PTCD3: variants seen among roughly 807,000 people sequenced by gnomAD.
PTCD3 encodes small ribosomal subunit protein mS39.
A neutral mutation model predicts 101.9 loss-of-function variants in PTCD3; 89 were observed. The observed-to-expected ratio is 0.87, with a 90% CI of 0.74 to 1.04. The LOEUF is 1.04. PTCD3 is among the 50% of genes least tolerant of loss of function. The pLI, the probability that PTCD3 is intolerant of heterozygous loss-of-function variation, is 0.00. For missense variants in PTCD3, 870 were observed against 828.2 expected (o/e 1.05, Z -0.62); for synonymous variants, 296 against 278.5 (o/e 1.06, Z -0.63).
intron 8 of PTCD3, among the ~76,000 whole-genome samples, chr2:86,122,518 C>T (rs1395051009): frequency 1.3e-5 from 2 of 150,388 alleles, no homozygotes; most frequent in African/African-American, 4.9e-5. Flanking sequence ...CTCAAGTGTT[C>T]CTCCTTCCTC....
At chr2:86,113,128 T>G (rs1674120013) in intron 4 of PTCD3, among the ~76,000 whole-genome samples, 1 of 152,238 alleles carries the variant, frequency 6.6e-6, no homozygotes, top group Non-Finnish European at 1.5e-5. Context: ...TGCAGTGGAA[T>G]TATTAACAAA....
chr2:86,137,885 C>T lies in PTCD3; in HGVS notation c.*326C>T, dbSNP rs1032767552. 3.5e-6 allele frequency: 1 copy of T among 281,950 alleles called. No individual in the cohort carries two copies. The highest frequency in any genetic ancestry group is 4.2e-5 in the Admixed American group (1 of 23,610). 17.5% of individuals were successfully genotyped at this position (281,950 alleles called of 1,614,324 possible). A position where few individuals can be genotyped will look rare whatever the true frequency, so the allele number is the denominator to read the frequency against. On this transcript the variant is annotated 3_prime_UTR_variant, in exon 24 of 24. Transcript: ENST00000254630. ...GTGTCGGTGAGCTGACCTCACGATG[C>T]TGTCCTCGTGCGATTGCCCTCTCCT...
At chr2:86,106,452 C>T in intron 1 of PTCD3, 101 bp downstream of exon 1, 1 of 1,244,524 alleles carries the variant, frequency 8.0e-7, no homozygotes, top group African/African-American at 1.5e-5. Context: ...ATGGTTTGCT[C>T]ATGCGCGCCC....
intron 16 of PTCD3, 116 bp from the exon 17 acceptor site, chr2:86,132,202 A>G (rs1674505483): frequency 3.3e-5 from 20 of 597,128 alleles, no homozygotes; most frequent in Non-Finnish European, 4.9e-5. Flanking sequence ...CTTGCTGTCA[A>G]CCAATAATAT....
At chr2:86,121,812 C>T (rs535006394) in intron 8 of PTCD3, among the ~76,000 whole-genome samples, 2 of 152,328 alleles carry the variant, frequency 1.3e-5, no homozygotes, top group East Asian at 3.9e-4. Context: ...ATGTTGTCCT[C>T]ACCTACTTCA....
At chr2:86,134,009 T>C (rs749275329) in intron 19 of PTCD3, among the ~76,000 whole-genome samples, 1 of 152,198 alleles carries the variant, frequency 6.6e-6, no homozygotes, top group Non-Finnish European at 1.5e-5. Flanking sequence ...TAAAAGTATA[T>C]CAAATTCCCA....
At position 86,130,486 on chromosome 2, in the gene PTCD3, G is replaced by C. The variant is rs369772221; in HGVS notation, c.1148-162G>C. ...TTTTACAGAGAATTGCTCTCTGCAG[G>C]GTATAGTGGTTCCTTTAGCAAGCAT... On this transcript the variant is annotated intron_variant, in intron 14 of 23. Transcript: ENST00000254630. Among the ~76,000 whole-genome samples, 24 of 152,260 alleles carry C rather than the reference G, an allele frequency of 1.6e-4. No individual in the cohort carries two copies. In the East Asian group the frequency reaches 2.5e-3, roughly 16 times the overall value.
intron 8 of PTCD3, among the ~76,000 whole-genome samples, chr2:86,122,026 C>T (rs1674293092): frequency 6.6e-6 from 1 of 152,208 alleles, no homozygotes; most frequent in Non-Finnish European, 1.5e-5. Context: ...CATAGCCTCT[C>T]TCTCGACTCG....
intron 4 of PTCD3, among the ~76,000 whole-genome samples, chr2:86,115,813 A>G (rs1293456742): frequency 2.6e-5 from 4 of 152,180 alleles, no homozygotes; most frequent in African/African-American, 9.7e-5. Context: ...ACGTGGGAGA[A>G]GGTTCTGTTG....
At position 86,133,447 on chromosome 2, in the gene PTCD3, CT is replaced by C; in HGVS notation, c.1543+16del. ...CTAAAATTTGGAAAGGTCAGTTTTA[CT>C]TTTTATGTGTCCAGGTGCATCTCAC... On this transcript the variant is annotated intron_variant, in intron 19 of 23. Transcript: ENST00000254630. 6.3e-7 allele frequency: 1 copy of C among 1,593,092 alleles called. No homozygotes were observed. Among genetic ancestry groups the C allele is most frequent in the Non-Finnish European group, 8.6e-7 (1 of 1,161,116 alleles).
At chr2:86,111,198 G>T (rs1301097086) in intron 4 of PTCD3, 40 bp downstream of exon 4, 1 of 1,530,400 alleles carries the variant, frequency 6.5e-7, no homozygotes, top group Non-Finnish European at 9.0e-7. Context: ...CTAAAACTTG[G>T]CTAATAACAC....
intron 16 of PTCD3, 29 bp downstream of exon 16, chr2:86,131,135 A>G (rs1024437038): frequency 5.8e-6 from 9 of 1,547,656 alleles, no homozygotes; most frequent in Middle Eastern, 1.7e-4. Context: ...TTAATTTGCT[A>G]TCCATTTCCT....
chr2:86,137,029 G>GCCCT lies in PTCD3; in HGVS notation c.1869_1872dup (p.Ser625ProfsTer6). 6.2e-7 allele frequency: 1 copy of GCCCT among 1,613,822 alleles called. No individual in the cohort carries two copies. The highest frequency in any genetic ancestry group is 8.5e-7 in the Non-Finnish European group (1 of 1,179,922). On this transcript the variant is annotated frameshift_variant, in exon 23 of 24. Coordinates refer to ENST00000254630, the MANE Select transcript of PTCD3 (RefSeq NM_017952.6). LOFTEE classifies it high-confidence loss of function. ...ATGGACAGTGCAAAAGTGTCTAACA[G>GCCCT]CCCTTCCCAGGCCATTGAAGTAGTA...
At chr2:86,133,546 A>G in intron 19 of PTCD3, 110 bp downstream of exon 19, 2 of 1,066,588 alleles carry the variant, frequency 1.9e-6, no homozygotes, top group South Asian at 1.5e-5. Flanking sequence ...TTTTGACTGA[A>G]CCAAATGTGT....
Position 86,127,315 on chromosome 2 carries a change from C to T in PTCD3, c.1096+10C>T, listed in dbSNP as rs368918355. 3.2e-4 allele frequency: 509 copies of T among 1,612,008 alleles called. No homozygotes were observed. The highest frequency in any genetic ancestry group is 3.7e-4 in the Non-Finnish European group (436 of 1,178,974). ...AAAGCCATTGGAATAGGTGAGGATG[C>T]GCCCTTGAGTTCTCTGAGGACAGAG... On this transcript the variant is annotated intron_variant, in intron 13 of 23. Transcript: ENST00000254630.
At position 86,125,831 on chromosome 2, in the gene PTCD3, C is replaced by T; in HGVS notation, c.902C>T (p.Thr301Ile). 5 of 1,609,508 alleles carry T rather than the reference C, an allele frequency of 3.1e-6. No homozygotes were observed. Among genetic ancestry groups the T allele is most frequent in the Admixed American group, 1.7e-5 (1 of 59,970 alleles). ...ACATTTAATGCATTGATTGAAGCAA[C>T]AGTATGTGCGATAAATGAGAAATTT... ...VYTFNALIEA[T>I]VCAINEKFEE... is the part of the protein sequence containing the mutation. The change falls in exon 12 of 24, where the codon ACA (threonine) becomes ATA (isoleucine). Residue 301 changes from threonine to isoleucine, a missense_variant. By Grantham distance (89) the Thr-to-Ile change is moderately conservative. Transcript: ENST00000254630.
At chr2:86,109,709 A>G (rs1452997787) in intron 3 of PTCD3, among the ~76,000 whole-genome samples, 1 of 152,224 alleles carries the variant, frequency 6.6e-6, no homozygotes, top group Non-Finnish European at 1.5e-5. Flanking sequence ...GCATATATAC[A>G]TGGACAAGAC....
intron 10 of PTCD3, 84 bp downstream of exon 10, chr2:86,125,166 G>A: frequency 6.5e-7 from 1 of 1,547,498 alleles, no homozygotes; most frequent in Non-Finnish European, 8.7e-7. Flanking sequence ...TTTGGGTCAG[G>A]TAATTTGTTG....
chr2:86,106,277 G>T lies in PTCD3; in HGVS notation c.30G>T (p.Leu10=), dbSNP rs879092625. The T allele has an allele frequency of 6.2e-7, 1 of 1,613,820 alleles. No individual in the cohort carries two copies. The highest frequency in any genetic ancestry group is 1.1e-5 in the South Asian group (1 of 91,058). MAVVSAVRW[L]GLRSRLGQPL... ...CGGTTGTATCTGCTGTTCGCTGGCT[G>T]GGCCTCCGCAGCAGGCTTGGCCAGC... Residue 10 remains leucine, a synonymous_variant, in exon 1 of 24, where the codon CTG becomes CTT. Transcript: ENST00000254630.
Sources: gnomAD v4.1 joint callset for allele counts (sites outside exome capture counted in the v4.1 genomes callset) on GRCh38, gnomAD v4.1.1 for gene constraint, MANE v1.5 for transcripts, NCBI Gene and HGNC (gene_info 2026-07-23, HGNC 2026-07-21) for gene names.